Variants in VAT1L observed in about 807,000 individuals in gnomAD.
VAT1L encodes vesicle amine transport 1 like.
VAT1L carries 34 observed loss-of-function variants against 44.1 expected under a neutral mutation model. That is an observed-to-expected ratio of 0.77 (90% CI 0.59 to 1.03). VAT1L has a LOEUF of 1.03. Among genes scored for constraint, VAT1L ranks in the 50% least tolerant of loss-of-function variants. The probability of loss-of-function intolerance (pLI) is 0.00; values close to 1 mark genes in which losing one functional copy is unlikely to be tolerated. For synonymous variants in VAT1L, 253 were observed against 202.2 expected (o/e 1.25, Z -2.13); for missense variants, 615 against 538.8 (o/e 1.14, Z -1.40).
chr16:77,848,347 T>C (rs1478273746), intron 3 of VAT1L, among the ~76,000 whole-genome samples: 1 of 152,156 alleles, frequency 6.6e-6, no homozygotes, highest in Non-Finnish European at 1.5e-5. Context: ...TTGGAGTGGA[T>C]GACTCAAGGA....
chr16:77,930,322 T>A (rs938536706), intron 7 of VAT1L, among the ~76,000 whole-genome samples: 1 of 152,166 alleles, frequency 6.6e-6, no homozygotes, highest in African/African-American at 2.4e-5. Context: ...TTACTGATGT[T>A]CTTTGGGGGG....
chr16:77,902,898 G>A (rs947461191), intron 7 of VAT1L, among the ~76,000 whole-genome samples: 4 of 151,052 alleles, frequency 2.6e-5, no homozygotes, highest in Non-Finnish European at 4.4e-5. Context: ...ACTTGAACCC[G>A]GGCGGCTGAG....
At chr16:77,977,566 A>G in intron 8 of VAT1L, 31 bp from the exon 9 acceptor site, 2 of 1,609,978 alleles carry the variant, frequency 1.2e-6, no homozygotes, top group Non-Finnish European at 1.7e-6. Context: ...GGGTTGCACA[A>G]CCCTCAATAA....
At chr16:77,883,591 C>T (rs1476818789) in intron 6 of VAT1L, among the ~76,000 whole-genome samples, 1 of 152,154 alleles carries the variant, frequency 6.6e-6, no homozygotes. Context: ...GGCTTCCACC[C>T]ACTAGACGCC....
intron 1 of VAT1L, chr16:77,800,400 G>A (rs1456776535): frequency 6.6e-6 from 1 of 152,106 alleles, no homozygotes; most frequent in African/African-American, 2.4e-5. Flanking sequence ...GGTATACCTG[G>A]GGACTCTAAG....
intron 8 of VAT1L, among the ~76,000 whole-genome samples, chr16:77,973,270 T>A (rs2018299771): frequency 6.6e-6 from 1 of 152,204 alleles, no homozygotes; most frequent in Non-Finnish European, 1.5e-5. Flanking sequence ...AAGCATTGTC[T>A]GATATGTACT....
chr16:77,919,315 G>A (rs2017586438), intron 7 of VAT1L, among the ~76,000 whole-genome samples: 1 of 152,186 alleles, frequency 6.6e-6, no homozygotes, highest in African/African-American at 2.4e-5. Context: ...CCAGGATGCT[G>A]TTTTGATTGG....
chr16:77,889,246 A>C (rs145918646), intron 7 of VAT1L, among the ~76,000 whole-genome samples: 16 of 152,310 alleles, frequency 1.1e-4, no homozygotes, highest in Admixed American at 1.0e-3. Flanking sequence ...AGATTTAATA[A>C]TATCAGAGAC....
intron 4 of VAT1L, among the ~76,000 whole-genome samples, chr16:77,871,325 G>C (rs567889750): frequency 1.0e-3 from 155 of 152,126 alleles, no homozygotes; most frequent in Admixed American, 1.8e-3. Context: ...CCATGCATGT[G>C]ATCCAACTGT....
At chr16:77,834,267 C>T (rs2145253947) in intron 3 of VAT1L, among the ~76,000 whole-genome samples, 1 of 152,300 alleles carries the variant, frequency 6.6e-6, no homozygotes, top group East Asian at 1.9e-4. Context: ...GGACTTGCAG[C>T]CTCTGTAAGG....
In VAT1L at chr16:77,884,844, T is replaced by A. The variant is rs1168044578; in HGVS notation, c.1077+42T>A. The stretch of plus-strand genomic sequence containing the variant: ...TCTTCTGCAAATAAACTCCTCTTTT[T>A]AACTCAGGAAGGTTTGGGCAGCCAA... On this transcript the variant is annotated intron_variant, in intron 7 of 8. Transcript: ENST00000302536. This position sits in a 1 kb window ranked among gnomAD's most constrained non-coding sequence, Gnocchi z 4.5. The A allele has an allele frequency of 7.0e-7, 1 of 1,430,848 alleles. No individual in the cohort carries two copies. Among genetic ancestry groups the A allele is most frequent in the Non-Finnish European group, 9.2e-7 (1 of 1,090,038 alleles). The allele number at this position is 1,430,848 out of a possible 1,614,324, so 88.6% of individuals were successfully genotyped here.
rs2016929621 is a variant in VAT1L, at chr16:77,862,778, G to C, written c.610G>C (p.Val204Leu). 1 of 1,613,812 alleles carries C rather than the reference G, an allele frequency of 6.2e-7. No homozygotes were observed. The highest frequency in any genetic ancestry group is 8.5e-7 in the Non-Finnish European group (1 of 1,179,998). The change falls in exon 4 of 9, where the codon GTC (valine) becomes CTC (leucine). Residue 204 changes from valine to leucine, a missense_variant. Transcript: ENST00000302536. ...GQAVAQLCST[V>L]PNVTVFGTAS... ...AGCTGTGGCTCAGCTGTGTTCCACT[G>C]TCCCCAACGTGACTGTCTTTGGAAC...
chr16:77,809,721 G>A (rs1283326994), intron 1 of VAT1L, among the ~76,000 whole-genome samples: 1 of 152,204 alleles, frequency 6.6e-6, no homozygotes, highest in African/African-American at 2.4e-5. Flanking sequence ...CAAAGAGAGA[G>A]GGTTCATAGT....
At chr16:77,823,988 A>T (rs554376475) in intron 2 of VAT1L, among the ~76,000 whole-genome samples, 2 of 152,210 alleles carry the variant, frequency 1.3e-5, no homozygotes, top group South Asian at 4.1e-4. Flanking sequence ...GTGCCATTGC[A>T]CTCCAGCCTG....
At chr16:77,843,475 C>A (rs1428066043) in intron 3 of VAT1L, among the ~76,000 whole-genome samples, 2 of 152,316 alleles carry the variant, frequency 1.3e-5, no homozygotes, top group Middle Eastern at 3.4e-3. Context: ...CCAGGAACCC[C>A]TGAGTTCTCC....
chr16:77,863,030 A>G, intron 4 of VAT1L, 140 bp downstream of exon 4: 3 of 1,026,246 alleles, frequency 2.9e-6, no homozygotes, highest in Non-Finnish European at 4.1e-6. Flanking sequence ...CTCTGTGCCA[A>G]ATATTTCACA....
At chr16:77,931,725 G>A (rs1024553106) in intron 7 of VAT1L, among the ~76,000 whole-genome samples, 6 of 152,146 alleles carry the variant, frequency 3.9e-5, no homozygotes, top group Admixed American at 1.3e-4. Context: ...AAGCCCCTAG[G>A]CAGGGGGCAA....
intron 7 of VAT1L, among the ~76,000 whole-genome samples, chr16:77,901,075 T>C (rs2017376924): frequency 6.6e-6 from 1 of 150,720 alleles, no homozygotes; most frequent in South Asian, 2.1e-4. Flanking sequence ...CAGCAAGTGA[T>C]AGCCAGATGG....
At chr16:77,820,850 A>C (rs1319565488) in intron 2 of VAT1L, among the ~76,000 whole-genome samples, 1 of 152,218 alleles carries the variant, frequency 6.6e-6, no homozygotes, top group Non-Finnish European at 1.5e-5. Context: ...TTGTTTTGGT[A>C]AATGCCATTT....
Sources: gnomAD v4.1 joint callset for allele counts (sites outside exome capture counted in the v4.1 genomes callset) on GRCh38, gnomAD v4.1.1 for gene constraint, Gnocchi (gnomAD v3.1) non-coding constraint, MANE v1.5 for transcripts, NCBI Gene and HGNC (gene_info 2026-07-23, HGNC 2026-07-21) for gene names.